Variants in ANKS3 observed in about 807,000 individuals in gnomAD.
The protein encoded by ANKS3 is ankyrin repeat and sterile alpha motif domain containing 3, also known as ankyrin repeat and SAM domain-containing protein 3.
Under a neutral mutation model 80.7 loss-of-function variants are expected in ANKS3, and 62 were observed. The ratio of observed to expected loss-of-function variants is 0.77; its 90% CI spans 0.63 to 0.95. The LOEUF is 0.95. Among genes scored for constraint, ANKS3 ranks in the 40% least tolerant of loss-of-function variants. The pLI is 0.00. For synonymous variants in ANKS3, 489 were observed against 355.3 expected, an observed-to-expected ratio of 1.38 and a Z score of -4.23; for missense variants, 1,150 against 883.6, an observed-to-expected ratio of 1.30 and a Z score of -3.82.
At chr16:4,724,622 A>T in intron 6 of ANKS3, 128 bp downstream of exon 6, 2 of 907,680 alleles carry the variant, frequency 2.2e-6, no homozygotes, top group Non-Finnish European at 3.4e-6. Flanking sequence ...TAGATAATGA[A>T]AATGTGTTGA....
rs2079595265 is a variant in ANKS3, at chr16:4,697,063, G to A, written c.1936C>T (p.Gln646Ter). 1.2e-6 allele frequency: 2 copies of A among 1,613,802 alleles called. No individual in the cohort carries two copies. Among genetic ancestry groups the A allele is most frequent in the East Asian group, 2.2e-5 (1 of 44,896 alleles). ...CGCCACTTCTTCCCGTTCAGCACCTGCAGCTTCTCCAGGCTCTGGGTCACT... is the reference window on the plus strand; with the variant it reads ...CGCCACTTCTTCCCGTTCAGCACCTACAGCTTCTCCAGGCTCTGGGTCACT... ...CLVTQSLEKL[Q>*]VLNGKKWRET The change falls in exon 17 of 18, where the codon CAG (glutamine) becomes TAG (stop). Residue 646 changes from glutamine to a stop codon, truncating the protein, a stop_gained. Coordinates refer to ENST00000304283, the MANE Select transcript of ANKS3 (RefSeq NM_133450.4). LOFTEE classifies it high-confidence loss of function.
intron 8 of ANKS3, among the ~76,000 whole-genome samples, chr16:4,702,683 C>T (rs575575694): frequency 8.5e-5 from 13 of 152,114 alleles, no homozygotes; most frequent in South Asian, 8.3e-4. Context: ...CAGTCAACCC[C>T]GGCGAAAAAG....
intron 1 of ANKS3, 91 bp from the exon 2 acceptor site, chr16:4,731,670 A>G (rs1044746391): frequency 2.8e-6 from 2 of 717,468 alleles, no homozygotes; most frequent in South Asian, 6.3e-5. Flanking sequence ...TGAAAAAAAT[A>G]GAAAGCAATT....
chr16:4,722,698 G>T (rs1341868204), intron 6 of ANKS3, among the ~76,000 whole-genome samples: 4 of 151,904 alleles, frequency 2.6e-5, no homozygotes, highest in African/African-American at 9.7e-5. Context: ...TGGGTGGATT[G>T]CCTGAGTTCA....
chr16:4,711,373 G>T (rs868615883), intron 7 of ANKS3, among the ~76,000 whole-genome samples: 2 of 151,702 alleles, frequency 1.3e-5, no homozygotes, highest in Non-Finnish European at 2.9e-5. Context: ...AAAGTGCTGA[G>T]ATTATAGGCA....
chr16:4,733,192 G>C lies in ANKS3; in HGVS notation c.-71+746C>G, dbSNP rs1046393034. On this transcript the variant is annotated intron_variant, in intron 1 of 17. Coordinates refer to ENST00000304283, the MANE Select transcript of ANKS3 (RefSeq NM_133450.4). ...CACTCCAGCCTGGGCGACAAAGCGA[G>C]ACTCCGTCTCAAAAAAAAAAAAAAA... Among the ~76,000 whole-genome samples, 17 of 87,764 alleles carry C rather than the reference G, an allele frequency of 1.9e-4. No homozygotes were observed. The Admixed American group carries it at 2.0e-3, about 10-fold the overall frequency. 57.6% of individuals were successfully genotyped at this position (87,764 alleles called of 152,430 possible).
chr16:4,713,106 C>A (rs1257370244), intron 7 of ANKS3, among the ~76,000 whole-genome samples: 2 of 152,026 alleles, frequency 1.3e-5, no homozygotes, highest in African/African-American at 2.4e-5. Context: ...CCCATCTCTA[C>A]TGAAAATACA....
intron 6 of ANKS3, among the ~76,000 whole-genome samples, chr16:4,716,891 G>A (rs1010866227): frequency 3.3e-5 from 5 of 151,732 alleles, no homozygotes; most frequent in South Asian, 4.1e-4. Context: ...CTACAGCCTC[G>A]ACGACAGACT....
At position 4,698,899 on chromosome 16, in the gene ANKS3, G is replaced by A. The variant is rs1162734045; in HGVS notation, c.1452C>T (p.Arg484=). 3.8e-6 allele frequency: 6 copies of A among 1,598,580 alleles called. No homozygotes were observed. Among genetic ancestry groups the A allele is most frequent in the Non-Finnish European group, 5.1e-6 (6 of 1,171,124 alleles). Residue 484 remains arginine (R), a synonymous_variant, in exon 13 of 18, where the codon CGC becomes CGT. Coordinates refer to ENST00000304283, the MANE Select transcript of ANKS3 (RefSeq NM_133450.4). ...PKRKMTSAIA[R]WHSSARPPGD... is the part of the protein sequence containing the mutation. ...CGGGTGGGCGGGCACTGCTGTGCCA[G>A]CGGGCAATGGCGGACGTCATCTTCC...
intron 3 of ANKS3, chr16:4,727,996 G>C (rs1023101471): frequency 6.6e-6 from 1 of 152,252 alleles, no homozygotes; most frequent in East Asian, 1.9e-4. Flanking sequence ...CTGCAGAGGG[G>C]ATAACAACTG....
At chr16:4,702,652 G>A (rs539506055) in intron 8 of ANKS3, among the ~76,000 whole-genome samples, 3 of 152,242 alleles carry the variant, frequency 2.0e-5, no homozygotes, top group African/African-American at 4.8e-5. Flanking sequence ...AACCACAGGC[G>A]CTTAGCGGGC....
At chr16:4,703,644 C>G (rs1002892929) in intron 8 of ANKS3, among the ~76,000 whole-genome samples, 6 of 152,228 alleles carry the variant, frequency 3.9e-5, no homozygotes, top group Non-Finnish European at 7.4e-5. Context: ...TGGTCTGGAT[C>G]TCTTGATCCA....
intron 6 of ANKS3, among the ~76,000 whole-genome samples, chr16:4,719,805 T>A (rs373518706): frequency 2.6e-5 from 4 of 151,846 alleles, no homozygotes; most frequent in African/African-American, 4.8e-5. Context: ...ATAAAAAAAA[T>A]AAATAAAAAA....
intron 7 of ANKS3, among the ~76,000 whole-genome samples, chr16:4,707,459 T>C (rs1261350339): frequency 1.3e-5 from 2 of 152,098 alleles, no homozygotes; most frequent in South Asian, 2.1e-4. Context: ...TTTGTGTATT[T>C]TGAGTAGAGA....
At chr16:4,714,238 C>T in intron 6 of ANKS3, 52 bp from the exon 7 acceptor site, 6 of 1,600,738 alleles carry the variant, frequency 3.7e-6, no homozygotes, top group Non-Finnish European at 5.1e-6. Flanking sequence ...AAGCACCTGC[C>T]CTTCCTGGGC....
intron 12 of ANKS3, 43 bp downstream of exon 12, chr16:4,699,009 C>G: frequency 1.9e-6 from 3 of 1,614,086 alleles, no homozygotes; most frequent in Non-Finnish European, 2.5e-6. Flanking sequence ...GGGAGTTTGC[C>G]CCAACCCCGG....
At chr16:4,712,363 G>C (rs1417471790) in intron 7 of ANKS3, among the ~76,000 whole-genome samples, 3 of 151,986 alleles carry the variant, frequency 2.0e-5, no homozygotes, top group Non-Finnish European at 4.4e-5. Flanking sequence ...CTGGGCAACA[G>C]AGCAAGACTC....
chr16:4,731,778 G>A (rs953297254), intron 1 of ANKS3, among the ~76,000 whole-genome samples, 199 bp from the exon 2 acceptor site: 3 of 152,152 alleles, frequency 2.0e-5, no homozygotes, highest in African/African-American at 4.8e-5. Flanking sequence ...GCTATGGGGG[G>A]AAATATAACA....
chr16:4,730,409 T>G (rs2081557743), intron 2 of ANKS3, among the ~76,000 whole-genome samples: 2 of 152,224 alleles, frequency 1.3e-5, no homozygotes, highest in Admixed American at 1.3e-4. Flanking sequence ...GTGGAGTACC[T>G]GCTCCTCCTT....
Sources: allele counts gnomAD v4.1 joint callset (sites outside exome capture counted in the v4.1 genomes callset), GRCh38; gene constraint gnomAD v4.1.1; transcripts MANE v1.5; gene names NCBI Gene and HGNC (gene_info 2026-07-23, HGNC 2026-07-21).